Variants in NR2C1 observed in about 807,000 individuals in gnomAD.
The protein encoded by NR2C1 is nuclear receptor subfamily 2 group C member 1, also known as TR2 nuclear hormone receptor.
In NR2C1, 33 loss-of-function variants were observed where a neutral mutation model predicts 74.8. The ratio of observed to expected loss-of-function variants is 0.44; its 90% CI spans 0.33 to 0.59. NR2C1 has a LOEUF of 0.59. Ranked by LOEUF, NR2C1 falls within the 20% of genes least tolerant of loss-of-function variation. The pLI is 0.02. For missense variants in NR2C1, 568 were observed against 715.6 expected (o/e 0.79, Z 2.35); for synonymous variants, 225 against 240.6 (o/e 0.94, Z 0.60).
At position 95,020,629 on chromosome 12, in the gene NR2C1, C is replaced by A. The variant is rs1421958372; in HGVS notation, c.*1600G>T. On this transcript the variant is annotated 3_prime_UTR_variant, in exon 14 of 14. Transcript: ENST00000333003. ...AAGTAGTAAGCAATAAAATCCACAT[C>A]CCCACAAAAACTTCACTTTTCTTCT... 1 of 152,260 alleles carries A rather than the reference C, an allele frequency of 6.6e-6. No individual in the cohort carries two copies. The highest frequency in any genetic ancestry group is 2.4e-5 in the African/African-American group (1 of 41,562). 9.4% of individuals were successfully genotyped at this position (152,260 alleles called of 1,614,324 possible). A position where few individuals can be genotyped will look rare whatever the true frequency, so the allele number is the denominator to read the frequency against.
In NR2C1 at chr12:95,068,434, C is replaced by G. The variant is rs73221768; in HGVS notation, c.-7-1043G>C. Among the ~76,000 whole-genome samples, 1,297 of 152,230 alleles carry G rather than the reference C, an allele frequency of 8.5e-3. 12 individuals carry two copies. Among genetic ancestry groups the G allele is most frequent in the Non-Finnish European group, 0.012 (791 of 68,028 alleles). On this transcript the variant is annotated intron_variant, in intron 1 of 13. Coordinates refer to ENST00000333003, the MANE Select transcript of NR2C1 (RefSeq NM_003297.4). ...TCAGCCCATAACACTCAGGCATAAA[C>G]CCAATAAGGAACATGCAAGATCTAG...
intron 8 of NR2C1, among the ~76,000 whole-genome samples, chr12:95,051,166 C>T (rs777118603): frequency 6.6e-6 from 1 of 152,058 alleles, no homozygotes; most frequent in African/African-American, 2.4e-5. Context: ...TACTAAAATC[C>T]AAAATGCTCT....
At chr12:95,064,025 C>CAAAAA (rs36124945) in intron 2 of NR2C1, among the ~76,000 whole-genome samples, 4 of 69,502 alleles carry the variant, frequency 5.8e-5, no homozygotes, top group Admixed American at 1.9e-4. Context: ...GACTCTGCCT[C>CAAAAA]AAAAAAAAAA....
chr12:95,065,463 AATTT>A (rs1336417723), intron 2 of NR2C1, among the ~76,000 whole-genome samples: 1 of 152,044 alleles, frequency 6.6e-6, no homozygotes, highest in Non-Finnish European at 1.5e-5. Flanking sequence ...ATGTTAACAT[AATTT>A]TTTTAAATTT....
chr12:95,058,225 A>G, intron 5 of NR2C1, 85 bp downstream of exon 5: 1 of 1,206,606 alleles, frequency 8.3e-7, no homozygotes, highest in Non-Finnish European at 1.1e-6. Context: ...AAGTATACAT[A>G]TTTGACATAT....
rs1175357666 is a variant in NR2C1, at chr12:95,025,275, A to G, written c.1532-20T>C. 7.9e-7 allele frequency: 1 copy of G among 1,260,562 alleles called. No individual in the cohort carries two copies. Among genetic ancestry groups the G allele is most frequent in the African/African-American group, 1.5e-5 (1 of 67,088 alleles). The allele number at this position is 1,260,562 out of a possible 1,614,324, so 78.1% of individuals were successfully genotyped here. On this transcript the variant is annotated intron_variant, in intron 12 of 13. Coordinates refer to ENST00000333003, the MANE Select transcript of NR2C1 (RefSeq NM_003297.4). ...GATGATCTGAAACATTAAAGAAAAC[A>G]TTGGTACCCTAGTTCTGAATGTTCA...
chr12:95,045,777 TAAG>T (rs1406049536), intron 9 of NR2C1, among the ~76,000 whole-genome samples: 1 of 152,194 alleles, frequency 6.6e-6, no homozygotes, highest in African/African-American at 2.4e-5. Context: ...AAGGAGATTT[TAAG>T]AATCAAGTAA....
intron 9 of NR2C1, among the ~76,000 whole-genome samples, chr12:95,042,219 CTTTTTTT>C (rs1212588554): frequency 1.6e-5 from 2 of 125,882 alleles, no homozygotes; most frequent in Non-Finnish European, 3.3e-5. Context: ...TCAAAGGTAT[CTTTTTTT>C]TTTTTTTTTT....
At chr12:95,067,666 T>C (rs1592798811) in intron 1 of NR2C1, among the ~76,000 whole-genome samples, 2 of 151,598 alleles carry the variant, frequency 1.3e-5, no homozygotes, top group East Asian at 3.9e-4. Flanking sequence ...TGGGCTCAAG[T>C]GATCCTCCCA....
chr12:95,024,352 A>T (rs1869102439), intron 13 of NR2C1, among the ~76,000 whole-genome samples: 1 of 152,178 alleles, frequency 6.6e-6, no homozygotes, highest in Non-Finnish European at 1.5e-5. Context: ...TATTATCTCC[A>T]TTTATAGGTG....
chr12:95,048,539 C>T (rs1166225462), intron 9 of NR2C1, among the ~76,000 whole-genome samples: 1 of 151,996 alleles, frequency 6.6e-6, no homozygotes, highest in African/African-American at 2.4e-5. Context: ...TGCATAGATG[C>T]ACACTAACAT....
At chr12:95,070,024 G>A (rs1301809156) in intron 1 of NR2C1, among the ~76,000 whole-genome samples, 1 of 152,226 alleles carries the variant, frequency 6.6e-6, no homozygotes, top group East Asian at 1.9e-4. Flanking sequence ...TGCTCTGATA[G>A]CAGTGTCTGT....
intron 10 of NR2C1, among the ~76,000 whole-genome samples, chr12:95,039,008 A>AAT (rs1337961680): frequency 6.6e-6 from 1 of 152,156 alleles, no homozygotes; most frequent in African/African-American, 2.4e-5. Flanking sequence ...TCCATATAGG[A>AAT]GGATTGCTTG....
chr12:95,068,955 T>A (rs1289046642), intron 1 of NR2C1, among the ~76,000 whole-genome samples: 2 of 151,312 alleles, frequency 1.3e-5, no homozygotes, highest in East Asian at 1.9e-4. Context: ...AGAGAGAGAC[T>A]CTGTCTCAAA....
intron 1 of NR2C1, among the ~76,000 whole-genome samples, chr12:95,071,409 G>A (rs552604938): frequency 6.6e-6 from 1 of 152,258 alleles, no homozygotes; most frequent in South Asian, 2.1e-4. Context: ...AGATGGTCTT[G>A]TCACTGAAAA....
chr12:95,062,032 T>C (rs1874858899), intron 3 of NR2C1, among the ~76,000 whole-genome samples: 1 of 152,190 alleles, frequency 6.6e-6, no homozygotes, highest in African/African-American at 2.4e-5. Context: ...TAGTCCAAAC[T>C]TCTTGATTTG....
intron 11 of NR2C1, chr12:95,030,988 G>A: frequency 1.2e-6 from 1 of 850,120 alleles, no homozygotes; most frequent in Admixed American, 2.6e-5. Flanking sequence ...GGATTCAAAG[G>A]GCTATAATAA....
intron 10 of NR2C1, among the ~76,000 whole-genome samples, chr12:95,039,692 T>C (rs1871267117): frequency 6.6e-6 from 1 of 152,250 alleles, no homozygotes; most frequent in African/African-American, 2.4e-5. Flanking sequence ...CAGTAAGCAA[T>C]GTGATCATGG....
intron 10 of NR2C1, 92 bp downstream of exon 10, chr12:95,040,384 T>C: frequency 7.8e-7 from 1 of 1,278,814 alleles, no homozygotes; most frequent in South Asian, 1.7e-5. Context: ...TGTTTTTTCC[T>C]TTAATGCAAA....
Sources: gnomAD v4.1 joint callset for allele counts (sites outside exome capture counted in the v4.1 genomes callset) on GRCh38, gnomAD v4.1.1 for gene constraint, MANE v1.5 for transcripts, NCBI Gene and HGNC (gene_info 2026-07-23, HGNC 2026-07-21) for gene names.